Variants in PRRC2C observed in about 807,000 individuals in gnomAD.
PRRC2C encodes protein PRRC2C.
A neutral mutation model predicts 317.2 loss-of-function variants in PRRC2C; 72 were observed. The ratio of observed to expected loss-of-function variants is 0.23; its 90% confidence interval spans 0.19 to 0.28. PRRC2C has a LOEUF of 0.28. Among genes scored for constraint, PRRC2C ranks in the 10% least tolerant of loss-of-function variants. PRRC2C has a pLI of 1.00. For synonymous variants in PRRC2C, 1,296 were observed against 1,205.9 expected, an observed-to-expected ratio of 1.07 and a Z score of -1.55; for missense variants, 3,074 against 3,459.7, an observed-to-expected ratio of 0.89 and a Z score of 2.80.
intron 18 of PRRC2C, among the ~76,000 whole-genome samples, chr1:171,550,845 A>C: frequency 6.6e-6 from 1 of 151,780 alleles, no homozygotes; most frequent in East Asian, 1.9e-4. Context: ...TATGTGCCAC[A>C]TTTTCTTAAT....
chr1:171,591,057 A>T, intron 34 of PRRC2C: 1 of 539,754 alleles, frequency 1.9e-6, no homozygotes. Context: ...CAAAACTAAG[A>T]AATTATTTAC....
chr1:171,496,037 G>A lies in PRRC2C; in HGVS notation c.-58+10302G>A, dbSNP rs146326979. ...TTATAAGGACACTAATCCCCTCATG[G>A]CCCGTACAACCTCATCTAAATCTAA... On this transcript the variant is annotated intron_variant, in intron 1 of 34. Coordinates refer to ENST00000647382, the MANE Select transcript of PRRC2C (RefSeq NM_001387844.1). Among the ~76,000 whole-genome samples the A allele has an allele frequency of 3.2e-3, 482 of 151,814 alleles. 1 individual carries two copies. Among genetic ancestry groups the A allele is most frequent in the Non-Finnish European group, 4.7e-3 (322 of 67,940 alleles).
At position 171,535,444 on chromosome 1, in the gene PRRC2C, C is replaced by T; in HGVS notation, c.1890C>T (p.Phe630=). 1 of 1,613,168 alleles carries T rather than the reference C, an allele frequency of 6.2e-7. No individual in the cohort carries two copies. Among genetic ancestry groups the T allele is most frequent in the Non-Finnish European group, 8.5e-7 (1 of 1,179,644 alleles). Residue 630 remains phenylalanine, a synonymous_variant, in exon 13 of 35, where the codon TTC becomes TTT. Transcript: ENST00000647382. ...TTTGAGCAGAGGAGGAACCCGTTTT[C>T]ACTAGACAAGACAGCAATCGCAGTG... ...NSCNKEEEPV[F]TRQDSNRSEK... is the part of the protein sequence containing the mutation.
At chr1:171,539,923 G>T in intron 15 of PRRC2C, 48 bp from the exon 16 acceptor site, 2 of 1,466,002 alleles carry the variant, frequency 1.4e-6, no homozygotes, top group Non-Finnish European at 1.9e-6. Context: ...ACTTACGCAT[G>T]GGAAAGATTG....
chr1:171,540,946 A>C lies in PRRC2C; in HGVS notation c.3480A>C (p.Ala1160=), dbSNP rs1175135164. ...IERPRPDSRP[A]VKKESTLPPR... ...GGCCTCGACCAGATTCAAGACCAGCAGTTAAAAAAGAATCAACTTTGCCTC... is the reference window on the plus strand; with the variant it reads ...GGCCTCGACCAGATTCAAGACCAGCCGTTAAAAAAGAATCAACTTTGCCTC... The change falls in exon 16 of 35, where the codon GCA becomes GCC. Residue 1160 remains alanine, a synonymous_variant. Transcript: ENST00000647382. 6.2e-7 allele frequency: 1 copy of C among 1,613,854 alleles called. No individual in the cohort carries two copies. Among genetic ancestry groups the C allele is most frequent in the Admixed American group, 1.7e-5 (1 of 60,000 alleles).
intron 4 of PRRC2C, among the ~76,000 whole-genome samples, chr1:171,515,270 A>C (rs1011745228): frequency 1.3e-5 from 2 of 152,230 alleles, no homozygotes; most frequent in Non-Finnish European, 2.9e-5. Flanking sequence ...GAGGTGTAAT[A>C]ATCTTAGCTG....
At chr1:171,574,872 C>G in intron 24 of PRRC2C, 55 bp from the exon 25 acceptor site, 1 of 1,389,772 alleles carries the variant, frequency 7.2e-7, no homozygotes, top group Non-Finnish European at 1.0e-6. Flanking sequence ...TATATACATA[C>G]GTATATTCTG....
Position 171,587,009 on chromosome 1 carries a change from GTACCTT to G in PRRC2C, c.7761_7766del (p.Leu2588_Pro2589del). On this transcript the variant is annotated inframe_deletion, in exon 31 of 35. Transcript: ENST00000647382. ...CTCTTTACTTATTTTCTAGGTTACA[GTACCTT>G]TACCAGCATCGCAGCTTTCCTTGCC... is the stretch of plus-strand genomic sequence containing the variant. 1 of 1,599,956 alleles carries G rather than the reference GTACCTT, an allele frequency of 6.3e-7. No individual in the cohort carries two copies. Among genetic ancestry groups the G allele is most frequent in the Non-Finnish European group, 8.5e-7 (1 of 1,171,198 alleles).
intron 18 of PRRC2C, among the ~76,000 whole-genome samples, chr1:171,556,079 C>T (rs961820364): frequency 3.3e-5 from 5 of 152,128 alleles, no homozygotes; most frequent in African/African-American, 9.7e-5. Context: ...GTGGGCTCCC[C>T]GCAGTTCAAG....
intron 30 of PRRC2C, among the ~76,000 whole-genome samples, chr1:171,586,447 CA>C (rs1171114075): frequency 6.6e-6 from 1 of 151,556 alleles, no homozygotes; most frequent in Non-Finnish European, 1.5e-5. Context: ...AGTTTTGGAG[CA>C]TTTTGGATTT....
intron 11 of PRRC2C, among the ~76,000 whole-genome samples, chr1:171,531,695 T>A (rs958787335): frequency 1.3e-5 from 2 of 152,228 alleles, no homozygotes; most frequent in African/African-American, 4.8e-5. Flanking sequence ...TAATGAAAAT[T>A]TAGTCATTGA....
chr1:171,565,585 T>A (rs1683501871), intron 20 of PRRC2C, among the ~76,000 whole-genome samples: 1 of 152,150 alleles, frequency 6.6e-6, no homozygotes, highest in Admixed American at 6.5e-5. Flanking sequence ...GTAGCTGCGA[T>A]TACAGGCACA....
intron 11 of PRRC2C, among the ~76,000 whole-genome samples, chr1:171,529,322 A>G (rs965426166): frequency 6.6e-6 from 1 of 152,184 alleles, no homozygotes; most frequent in African/African-American, 2.4e-5. Flanking sequence ...TAAGAGTCAT[A>G]TATTCAACAA....
At chr1:171,550,048 A>G in intron 17 of PRRC2C, 38 bp from the exon 18 acceptor site, 1 of 1,501,940 alleles carries the variant, frequency 6.7e-7, no homozygotes, top group Non-Finnish European at 8.9e-7. Flanking sequence ...TTCATTTGAA[A>G]AACAGAAAAT....
In PRRC2C at chr1:171,561,032, C is replaced by T. The variant is rs1273441119; in HGVS notation, c.6046C>T (p.Pro2016Ser). 2.5e-6 allele frequency: 4 copies of T among 1,601,892 alleles called. No homozygotes were observed. Among genetic ancestry groups the T allele is most frequent in the Non-Finnish European group, 3.4e-6 (4 of 1,169,012 alleles). The change falls in exon 20 of 35, where the codon CCA (proline) becomes TCA (serine). Residue 2016 changes from proline to serine, a missense_variant. Physicochemically the swap from Pro to Ser is moderately conservative, Grantham distance 74 (BLOSUM62 -1). Coordinates refer to ENST00000647382, the MANE Select transcript of PRRC2C (RefSeq NM_001387844.1). ...DISKKLGPISPPQPPSVSAWN... is the reference protein window; with the variant it reads ...DISKKLGPISSPQPPSVSAWN... ...CTTCTTTCCAGTAGGTCCCATTAGTCCACCACAGCCACCTTCAGTCAGTGC... is the reference window on the plus strand; with the variant it reads ...CTTCTTTCCAGTAGGTCCCATTAGTTCACCACAGCCACCTTCAGTCAGTGC...
In PRRC2C at chr1:171,535,528, G is replaced by T; in HGVS notation, c.1974G>T (p.Arg658=). The T allele has an allele frequency of 6.2e-7, 1 of 1,613,998 alleles. No individual in the cohort carries two copies. Among genetic ancestry groups the T allele is most frequent in the African/African-American group, 1.3e-5 (1 of 75,052 alleles). ...ETEPESGSQP[R]PAVLSGYFKQ... is the part of the protein sequence containing the mutation. The stretch of plus-strand genomic sequence containing the variant: ...AACCAGAATCAGGGTCTCAACCTCG[G>T]CCGGCTGTATTATCTGGCTATTTCA... Residue 658 remains arginine, a synonymous_variant, in exon 13 of 35, where the codon CGG becomes CGT. Coordinates refer to ENST00000647382, the MANE Select transcript of PRRC2C (RefSeq NM_001387844.1).
rs765930479 is a variant in PRRC2C at position 171,571,370 on chromosome 1, G to C, written c.6702G>C (p.Gln2234His). The C allele has an allele frequency of 2.5e-6, 4 of 1,613,112 alleles. No homozygotes were observed. The South Asian group carries it at 4.4e-5, about 18-fold the overall frequency. The part of the protein sequence containing the change: ...LPLPKRETIQ[Q>H]SSSLTSVPPT... ...TCCCTAAGAGGGAGACTATACAACA[G>C]AGCTCCAGCCTAACTTCAGTTCCTC... Residue 2234 changes from glutamine (Q) to histidine (H), a missense_variant, in exon 24 of 35, where the codon CAG becomes CAC. Gln to His is a conservative substitution (Grantham distance 24). Coordinates refer to ENST00000647382, the MANE Select transcript of PRRC2C (RefSeq NM_001387844.1).
At chr1:171,545,427 T>A in intron 16 of PRRC2C, 52 bp from the exon 17 acceptor site, 1 of 1,466,448 alleles carries the variant, frequency 6.8e-7, no homozygotes, top group Non-Finnish European at 9.3e-7. Flanking sequence ...AGAGCATTTT[T>A]CTTTTGTTTG....
intron 33 of PRRC2C, among the ~76,000 whole-genome samples, chr1:171,589,099 TC>T (rs1213786163): frequency 1.3e-5 from 2 of 152,214 alleles, no homozygotes; most frequent in Non-Finnish European, 2.9e-5. Context: ...TAAAAGTCTT[TC>T]TATCCCCCCT....
Sources: allele counts gnomAD v4.1 joint callset (sites outside exome capture counted in the v4.1 genomes callset), GRCh38; gene constraint gnomAD v4.1.1; transcripts MANE v1.5; gene names NCBI Gene and HGNC (gene_info 2026-07-23, HGNC 2026-07-21).